Variants in UBTD2 observed in about 807,000 individuals in gnomAD.
UBTD2 encodes the protein ubiquitin domain-containing protein 2.
Under a neutral mutation model 19.8 loss-of-function variants are expected in UBTD2, and 9 were observed. That is an observed-to-expected ratio of 0.46 (90% confidence interval 0.27 to 0.79). The LOEUF is 0.79. UBTD2 is among the 30% of genes least tolerant of loss of function. The probability of loss-of-function intolerance (pLI) is 0.14; values close to 1 mark genes in which losing one functional copy is unlikely to be tolerated. For synonymous variants in UBTD2, 98 were observed against 103.9 expected, an observed-to-expected ratio of 0.94 and a Z score of 0.35; for missense variants, 250 against 300.4, an observed-to-expected ratio of 0.83 and a Z score of 1.24.
chr5:172,218,523 C>T (rs1450765483), intron 2 of UBTD2, among the ~76,000 whole-genome samples: 2 of 152,032 alleles, frequency 1.3e-5, no homozygotes, highest in Non-Finnish European at 2.9e-5. Context: ...TGGCCCATGC[C>T]TGTAATCCCA....
intron 1 of UBTD2, among the ~76,000 whole-genome samples, chr5:172,251,558 T>C (rs962093585): frequency 4.7e-5 from 7 of 148,384 alleles, no homozygotes; most frequent in Non-Finnish European, 1.0e-4. Context: ...ACTTCCAATA[T>C]GGCTAGCAGC....
intron 2 of UBTD2, among the ~76,000 whole-genome samples, chr5:172,226,462 T>C (rs538275392): frequency 3.3e-5 from 5 of 152,252 alleles, no homozygotes; most frequent in South Asian, 2.1e-4. Flanking sequence ...ACGTGAAAAA[T>C]TGCCTAGTAC....
At chr5:172,255,400 C>T (rs13157467) in intron 1 of UBTD2, 1 of 495,042 alleles carries the variant, frequency 2.0e-6, no homozygotes, top group African/African-American at 2.0e-5. Context: ...GTCCACGGGC[C>T]TCTTGCTTAA....
At chr5:172,266,561 C>G (rs1755378640) in intron 1 of UBTD2, among the ~76,000 whole-genome samples, 2 of 152,158 alleles carry the variant, frequency 1.3e-5, no homozygotes, top group African/African-American at 4.8e-5. Flanking sequence ...AAACATAAGT[C>G]TGTTCCAATT....
At chr5:172,230,154 C>T (rs544327438) in intron 2 of UBTD2, among the ~76,000 whole-genome samples, 3 of 152,108 alleles carry the variant, frequency 2.0e-5, no homozygotes, top group South Asian at 2.1e-4. Flanking sequence ...GAAAATATAC[C>T]GTATGTGTAT....
chr5:172,247,764 A>G (rs1754912744), intron 1 of UBTD2, among the ~76,000 whole-genome samples: 2 of 152,226 alleles, frequency 1.3e-5, no homozygotes, highest in South Asian at 2.1e-4. Flanking sequence ...ATTTTCAATA[A>G]TGTATGAAAC....
Position 172,283,719 on chromosome 5 carries a change from C to CCGCCGCCGCTGCAGCCTCCTCCGG in UBTD2, c.-78_-55dup, listed in dbSNP as rs1188431540. On this transcript the variant is annotated 5_prime_UTR_variant, in exon 1 of 3. Coordinates refer to ENST00000393792, the MANE Select transcript of UBTD2 (RefSeq NM_152277.3). This position sits in a 1 kb window ranked among gnomAD's most constrained non-coding sequence, Gnocchi z 4.3. ...TCCGGACGCTCGTCCGGGCCCGCCG[C>CCGCCGCCGCTGCAGCCTCCTCCGG]CGCCGCCGCTGCAGCCTCCTCCGGC... 1.1e-5 allele frequency: 13 copies of CCGCCGCCGCTGCAGCCTCCTCCGG among 1,174,580 alleles called. No homozygotes were observed. Among genetic ancestry groups the CCGCCGCCGCTGCAGCCTCCTCCGG allele is most frequent in the Middle Eastern group, 3.3e-4 (1 of 3,044 alleles). 72.8% of individuals were successfully genotyped at this position (1,174,580 alleles called of 1,614,324 possible).
At chr5:172,222,229 G>C (rs1419454147) in intron 2 of UBTD2, among the ~76,000 whole-genome samples, 8 of 152,128 alleles carry the variant, frequency 5.3e-5, no homozygotes. Context: ...CTAGACTCTT[G>C]AACAACATAA....
chr5:172,277,905 T>C (rs986412653), intron 1 of UBTD2, among the ~76,000 whole-genome samples: 1 of 149,530 alleles, frequency 6.7e-6, no homozygotes, highest in African/African-American at 2.4e-5. Flanking sequence ...GCATAAATAT[T>C]TCTCCAGGGA....
At chr5:172,223,578 G>A (rs1169776153) in intron 2 of UBTD2, among the ~76,000 whole-genome samples, 2 of 112,568 alleles carry the variant, frequency 1.8e-5, no homozygotes, top group Non-Finnish European at 3.4e-5. Context: ...CAGCCTGGGC[G>A]ACGGAGTCAA....
intron 1 of UBTD2, chr5:172,254,921 C>A (rs1755108190): frequency 2.0e-6 from 1 of 499,684 alleles, no homozygotes; most frequent in East Asian, 4.5e-5. Flanking sequence ...CTTCCTCCTC[C>A]TCCTCCTCAA....
intron 2 of UBTD2, among the ~76,000 whole-genome samples, chr5:172,226,748 A>G (rs1234227843): frequency 6.6e-6 from 1 of 152,220 alleles, no homozygotes; most frequent in African/African-American, 2.4e-5. Flanking sequence ...AGGTTCTCTC[A>G]TGCAAACACT....
chr5:172,256,034 A>G (rs933028993), intron 1 of UBTD2, among the ~76,000 whole-genome samples: 5 of 151,950 alleles, frequency 3.3e-5, no homozygotes, highest in Admixed American at 6.6e-5. Flanking sequence ...GGTTGCAGTG[A>G]GCCGAGATCA....
chr5:172,233,207 G>A (rs1771940803), intron 2 of UBTD2, among the ~76,000 whole-genome samples: 2 of 152,174 alleles, frequency 1.3e-5, no homozygotes, highest in South Asian at 4.1e-4. Flanking sequence ...AACAATGAAA[G>A]TCCCTGTTCC....
At chr5:172,214,520 C>T (rs1004983917) in intron 2 of UBTD2, among the ~76,000 whole-genome samples, 4 of 152,172 alleles carry the variant, frequency 2.6e-5, no homozygotes, top group Non-Finnish European at 4.4e-5. Context: ...TTCACACTGC[C>T]CTTTCCCTTC....
intron 1 of UBTD2, among the ~76,000 whole-genome samples, chr5:172,246,441 CTTTTT>C (rs36037402): frequency 1.2e-4 from 10 of 85,088 alleles, no homozygotes; most frequent in Admixed American, 1.0e-3. Flanking sequence ...ATTGAGATTG[CTTTTT>C]TTTTTTTTTT....
Position 172,209,898 on chromosome 5 carries a change from T to A in UBTD2, c.*1932A>T, listed in dbSNP as rs890574451. The A allele has an allele frequency of 3.9e-5, 6 of 152,606 alleles. No homozygotes were observed. The highest frequency in any genetic ancestry group is 1.4e-4 in the African/African-American group (6 of 41,454). The allele number at this position is 152,606 out of a possible 1,614,324, so 9.5% of individuals were successfully genotyped here. ...AAAGACCTTTTACCAATCGATATCA[T>A]AGATATTGATGACATCACCAAATCT... On this transcript the variant is annotated 3_prime_UTR_variant, in exon 3 of 3. Coordinates refer to ENST00000393792, the MANE Select transcript of UBTD2 (RefSeq NM_152277.3).
Position 172,218,132 on chromosome 5 carries a change from C to G in UBTD2, c.308-5905G>C, listed in dbSNP as rs190930670. 3.9e-5 allele frequency among the ~76,000 whole-genome samples: 6 copies of G among 152,268 alleles called. No individual in the cohort carries two copies. The East Asian group carries it at 5.8e-4, about 15-fold the overall frequency. On this transcript the variant is annotated intron_variant, in intron 2 of 2. Transcript: ENST00000393792. ...ATAACAAAATGAAATCATACAATGT[C>G]TGCTTATACCATAATGGAAATAAAC...
intron 1 of UBTD2, chr5:172,255,411 C>A: frequency 2.0e-6 from 1 of 493,996 alleles, no homozygotes. Context: ...TCTTGCTTAA[C>A]AGGAACTGGG....
Sources: gnomAD v4.1 joint callset for allele counts (sites outside exome capture counted in the v4.1 genomes callset) on GRCh38, gnomAD v4.1.1 for gene constraint, Gnocchi (gnomAD v3.1) non-coding constraint, MANE v1.5 for transcripts, NCBI Gene and HGNC (gene_info 2026-07-23, HGNC 2026-07-21) for gene names.